Variants in TEX2 observed in about 807,000 individuals in gnomAD.
TEX2 encodes testis-expressed protein 2.
A neutral mutation model predicts 106.9 loss-of-function variants in TEX2; 53 were observed. That is an observed-to-expected ratio of 0.50 (90% CI 0.40 to 0.62). The LOEUF (loss-of-function observed/expected upper bound fraction) is 0.62. Ranked by LOEUF, TEX2 falls within the 20% of genes least tolerant of loss-of-function variation. The pLI is 0.00. For missense variants in TEX2, 1,207 were observed against 1,379.0 expected, an observed-to-expected ratio of 0.88 and a Z score of 1.98; for synonymous variants, 523 against 534.8, an observed-to-expected ratio of 0.98 and a Z score of 0.30.
chr17:64,239,627 G>C (rs1418178468), intron 1 of TEX2, among the ~76,000 whole-genome samples: 3 of 152,070 alleles, frequency 2.0e-5, no homozygotes, highest in African/African-American at 7.2e-5. Context: ...TGTAATCCCA[G>C]CACTTTGGGA....
chr17:64,192,088 A>G (rs1007061799), intron 4 of TEX2, among the ~76,000 whole-genome samples: 1 of 152,198 alleles, frequency 6.6e-6, no homozygotes, highest in South Asian at 2.1e-4. Context: ...CTACCGTAAG[A>G]AGCAGCACAG....
chr17:64,212,773 C>T lies in TEX2; in HGVS notation c.1445G>A (p.Cys482Tyr), dbSNP rs782438148. ...PVKTLGFFIM[C>Y]VYVYLILPLP... ...GGGGAGGATGAGGTACACATAGACA[C>T]ACATTATAAAGAAGCCCAACGTCTT... is the stretch of plus-strand genomic sequence containing the variant. The change falls in exon 2 of 12, where the codon TGT becomes TAT. Residue 482 changes from cysteine to tyrosine, a missense_variant. Cys to Tyr is a radical substitution (Grantham distance 194). Around this residue, in one of 3 missense-constraint regions of TEX2, gnomAD observed 1,067 missense variants for 1,193.6 expected, o/e 0.89. Transcript: ENST00000584379. 1.2e-6 allele frequency: 2 copies of T among 1,614,014 alleles called. No homozygotes were observed. The highest frequency in any genetic ancestry group is 1.7e-6 in the Non-Finnish European group (2 of 1,180,038).
chr17:64,190,681 T>G (rs577324016), intron 4 of TEX2, among the ~76,000 whole-genome samples: 6 of 152,310 alleles, frequency 3.9e-5, no homozygotes, highest in Non-Finnish European at 8.8e-5. Flanking sequence ...CAAATGACCA[T>G]GTGGCTTTCC....
At position 64,212,565 on chromosome 17, in the gene TEX2, G is replaced by A. The variant is rs782293259; in HGVS notation, c.1644+9C>T. On this transcript the variant is annotated intron_variant, in intron 2 of 11. Transcript: ENST00000584379. Reference sequence around the variant, plus strand: ...GTGTGTACTAGCCAGCTCCCGGGGAGAGGCTTACCTTCAGTATTTCAGGTT... The same window carrying A: ...GTGTGTACTAGCCAGCTCCCGGGGAAAGGCTTACCTTCAGTATTTCAGGTT... 1.9e-6 allele frequency: 3 copies of A among 1,608,146 alleles called. No individual in the cohort carries two copies. Among genetic ancestry groups the A allele is most frequent in the South Asian group, 2.2e-5 (2 of 90,340 alleles).
At chr17:64,182,998 T>C (rs1244085756) in intron 5 of TEX2, among the ~76,000 whole-genome samples, 1 of 150,890 alleles carries the variant, frequency 6.6e-6, no homozygotes, top group African/African-American at 2.4e-5. Context: ...CTATGCCTCC[T>C]GAGTTCAAGC....
intron 1 of TEX2, among the ~76,000 whole-genome samples, chr17:64,214,984 G>A (rs1221502475): frequency 2.0e-5 from 3 of 152,212 alleles, no homozygotes; most frequent in African/African-American, 7.2e-5. Context: ...TCAGGAAAAT[G>A]AAGTATCACT....
intron 8 of TEX2, among the ~76,000 whole-genome samples, chr17:64,159,781 T>A (rs2143651114): frequency 6.6e-6 from 1 of 152,316 alleles, no homozygotes; most frequent in East Asian, 1.9e-4. Flanking sequence ...CAGACACCGG[T>A]TAGATTGCAT....
intron 10 of TEX2, 23 bp from the exon 11 acceptor site, chr17:64,150,984 C>T (rs1567903324): frequency 6.2e-7 from 1 of 1,610,956 alleles, no homozygotes; most frequent in South Asian, 1.1e-5. Context: ...AAGTAATAAC[C>T]ACATTTAGAA....
At chr17:64,170,568 A>G (rs556119293) in intron 7 of TEX2, among the ~76,000 whole-genome samples, 3 of 151,184 alleles carry the variant, frequency 2.0e-5, no homozygotes, top group East Asian at 1.9e-4. Context: ...AGGAGGCCCT[A>G]TAATAACCAA....
At chr17:64,178,831 C>G (rs145104458) in intron 5 of TEX2, among the ~76,000 whole-genome samples, 1 of 152,244 alleles carries the variant, frequency 6.6e-6, no homozygotes, top group African/African-American at 2.4e-5. Context: ...TGCATTCGTG[C>G]CAGTGCTATC....
At chr17:64,228,717 G>A (rs964950914) in intron 1 of TEX2, among the ~76,000 whole-genome samples, 7 of 152,206 alleles carry the variant, frequency 4.6e-5, no homozygotes, top group Non-Finnish European at 7.3e-5. Context: ...CTCCTGGTCT[G>A]TGGCCCGGGG....
At chr17:64,178,619 G>A (rs1370579841) in intron 5 of TEX2, among the ~76,000 whole-genome samples, 1 of 152,216 alleles carries the variant, frequency 6.6e-6, no homozygotes, top group Non-Finnish European at 1.5e-5. Context: ...CTGTGCTGAG[G>A]TCTCTAATTA....
chr17:64,189,220 A>T (rs1285256018), intron 4 of TEX2, among the ~76,000 whole-genome samples: 2 of 152,240 alleles, frequency 1.3e-5, no homozygotes, highest in Non-Finnish European at 2.9e-5. Context: ...GATAAATCAC[A>T]ATCTTCTGTA....
intron 1 of TEX2, among the ~76,000 whole-genome samples, chr17:64,231,031 A>G (rs1555634552): frequency 1.3e-5 from 2 of 152,228 alleles, no homozygotes. Flanking sequence ...GCCCAGCTGT[A>G]GAAACATCCC....
At chr17:64,233,753 G>A (rs1167633116) in intron 1 of TEX2, among the ~76,000 whole-genome samples, 1 of 152,220 alleles carries the variant, frequency 6.6e-6, no homozygotes, top group African/African-American at 2.4e-5. Flanking sequence ...GGCTATTGCT[G>A]TGTAACTACA....
chr17:64,178,178 A>G (rs931069328), intron 5 of TEX2, among the ~76,000 whole-genome samples: 3 of 152,232 alleles, frequency 2.0e-5, no homozygotes, highest in Non-Finnish European at 4.4e-5. Context: ...GATACAATCC[A>G]TCTGAAGCAT....
intron 2 of TEX2, among the ~76,000 whole-genome samples, chr17:64,208,005 A>G (rs2032887718): frequency 6.6e-6 from 1 of 152,148 alleles, no homozygotes; most frequent in Non-Finnish European, 1.5e-5. Context: ...AAGTGCTGGG[A>G]TTACAGGCGT....
intron 1 of TEX2, among the ~76,000 whole-genome samples, chr17:64,246,853 G>C (rs1440959356): frequency 6.6e-6 from 1 of 152,224 alleles, no homozygotes; most frequent in Non-Finnish European, 1.5e-5. Context: ...ACAGAGCTGG[G>C]AGGACCAGCC....
chr17:64,226,920 C>T (rs1422683073), intron 1 of TEX2, among the ~76,000 whole-genome samples: 1 of 151,850 alleles, frequency 6.6e-6, no homozygotes, highest in Non-Finnish European at 1.5e-5. Flanking sequence ...AAGGAGACAA[C>T]ACATAGACAT....
Sources: gnomAD v4.1 joint callset for allele counts (sites outside exome capture counted in the v4.1 genomes callset) on GRCh38, gnomAD v4.1.1 for gene constraint, gnomAD v4.1.1 regional missense constraint, MANE v1.5 for transcripts, NCBI Gene and HGNC (gene_info 2026-07-23, HGNC 2026-07-21) for gene names.